NBPF15: variants seen among roughly 807,000 people sequenced by gnomAD.
NBPF15 encodes NBPF member 15.
Under a neutral mutation model 62.2 loss-of-function variants are expected in NBPF15, and 74 were observed. The observed-to-expected ratio is 1.19, with a 90% CI of 0.99 to 1.44. The LOEUF (loss-of-function observed/expected upper bound fraction) is 1.44. NBPF15 is among the 40% of genes most tolerant of loss of function. The pLI is 0.00. For missense variants in NBPF15, 790 were observed against 550.0 expected, an observed-to-expected ratio of 1.44 and a Z score of -4.36; for synonymous variants, 244 against 209.7, an observed-to-expected ratio of 1.16 and a Z score of -1.41.
intron 12 of NBPF15, among the ~76,000 whole-genome samples, chr1:144,434,114 T>G (rs1451694234): frequency 1.3e-5 from 2 of 149,388 alleles, no homozygotes; most frequent in Admixed American, 6.6e-5. Context: ...CAAAAATTGG[T>G]CAAACAATTT....
At position 144,437,034 on chromosome 1, in the gene NBPF15, A is replaced by T; in HGVS notation, c.354T>A (p.Asp118Glu). Residue 118 changes from aspartate to glutamate, a missense_variant, in exon 10 of 22, where the codon GAT (aspartate) becomes GAA (glutamate). Transcript: ENST00000581897. ...GATGCTCATTCAATGAGCGGGAGGC[A>T]TCTCTCCCTTCCCGTAACTTCTCCC... ...QLREKLREGR[D>E]ASRSLNEHLQ... The T allele has an allele frequency of 1.2e-6, 2 of 1,611,968 alleles. No homozygotes were observed. Among genetic ancestry groups the T allele is most frequent in the Non-Finnish European group, 1.7e-6 (2 of 1,179,714 alleles).
In NBPF15 at chr1:144,456,685, A is replaced by G; in HGVS notation, c.-580T>C. The G allele has an allele frequency of 3.5e-6, 5 of 1,418,348 alleles. No homozygotes were observed. The highest frequency in any genetic ancestry group is 4.7e-6 in the Non-Finnish European group (5 of 1,074,638). 87.9% of individuals were successfully genotyped at this position (1,418,348 alleles called of 1,614,324 possible). A position where few individuals can be genotyped will look rare whatever the true frequency, so the allele number is the denominator to read the frequency against. On this transcript the variant is annotated 5_prime_UTR_variant, in exon 4 of 22. Transcript: ENST00000581897. ...TGGTGGCAGCCCCAGCGTGGAGGCCAAGAACACACAGCACTGAAGCTCCAG... is the reference window on the plus strand; with the variant it reads ...TGGTGGCAGCCCCAGCGTGGAGGCCGAGAACACACAGCACTGAAGCTCCAG...
At chr1:144,448,316 G>C (rs1423297786) in intron 6 of NBPF15, among the ~76,000 whole-genome samples, 2 of 152,010 alleles carry the variant, frequency 1.3e-5, no homozygotes, top group African/African-American at 4.8e-5. Flanking sequence ...AAGGCGTCCA[G>C]TTGAAAAACC....
At chr1:144,429,101 A>T (rs1403436154) in intron 14 of NBPF15, among the ~76,000 whole-genome samples, 3 of 151,934 alleles carry the variant, frequency 2.0e-5, no homozygotes, top group African/African-American at 7.3e-5. Context: ...ACTTGGTTCT[A>T]CACAGAAGCA....
chr1:144,451,915 G>A (rs1200346367), intron 4 of NBPF15, among the ~76,000 whole-genome samples: 3 of 151,748 alleles, frequency 2.0e-5, no homozygotes, highest in Non-Finnish European at 2.9e-5. Flanking sequence ...ACTTTGAGAG[G>A]CCAAGGCAGG....
intron 13 of NBPF15, among the ~76,000 whole-genome samples, chr1:144,433,138 T>G (rs1675746188): frequency 6.6e-6 from 1 of 151,924 alleles, no homozygotes; most frequent in Non-Finnish European, 1.5e-5. Context: ...GAACCCAGGA[T>G]TAAGAAACTC....
intron 4 of NBPF15, among the ~76,000 whole-genome samples, chr1:144,453,316 T>C (rs1218246966): frequency 2.0e-5 from 3 of 151,836 alleles, no homozygotes; most frequent in African/African-American, 4.8e-5. Context: ...GGTATGCATG[T>C]TATACCCTTT....
At position 144,456,627 on chromosome 1, in the gene NBPF15, G is replaced by A. The variant is rs1278027546; in HGVS notation, c.-522C>T. ...GGGAAGTTTCTACATCAGTACCTCG[G>A]AGAGTCCACTGGAAGCCCTGGACAG... On this transcript the variant is annotated 5_prime_UTR_variant, in exon 4 of 22. Coordinates refer to ENST00000581897, the MANE Select transcript of NBPF15 (RefSeq NM_001385408.1). 1 of 1,496,786 alleles carries A rather than the reference G, an allele frequency of 6.7e-7. No individual in the cohort carries two copies. Among genetic ancestry groups the A allele is most frequent in the African/African-American group, 1.4e-5 (1 of 71,212 alleles). 92.7% of individuals were successfully genotyped at this position (1,496,786 alleles called of 1,614,324 possible). A position where few individuals can be genotyped will look rare whatever the true frequency, so the allele number is the denominator to read the frequency against.
chr1:144,427,868 G>A lies in NBPF15; in HGVS notation c.1163C>T (p.Ala388Val), dbSNP rs1241214964. The A allele has an allele frequency of 5.0e-4, 340 of 673,334 alleles. 2 individuals carry two copies. In the African/African-American group the frequency reaches 5.5e-3, roughly 11 times the overall value. The allele number at this position is 673,334 out of a possible 1,614,324, so 41.7% of individuals were successfully genotyped here. The change falls in exon 16 of 22, where the codon GCC (alanine) becomes GTC (valine). Residue 388 changes from alanine to valine, a missense_variant. Coordinates refer to ENST00000581897, the MANE Select transcript of NBPF15 (RefSeq NM_001385408.1). ...LTDSCQPYRS[A>V]FYVLEQQRVG... ...ACGCTGTTGCTCCAATACGTAAAAG[G>A]CACTTCTGTAGGGCTGGCATGAGTC...
At chr1:144,432,489 C>G (rs1405414124) in intron 13 of NBPF15, among the ~76,000 whole-genome samples, 7 of 151,756 alleles carry the variant, frequency 4.6e-5, no homozygotes, top group Non-Finnish European at 1.0e-4. Flanking sequence ...GGGCTAAATG[C>G]CCCAGTTAAA....
rs1666598474 is a variant in NBPF15 at position 144,422,747 on chromosome 1, G to A, written c.*266C>T. 4.1e-6 allele frequency: 3 copies of A among 729,910 alleles called. No individual in the cohort carries two copies. The highest frequency in any genetic ancestry group is 1.8e-5 in the African/African-American group (1 of 54,950). 45.2% of individuals were successfully genotyped at this position (729,910 alleles called of 1,614,324 possible). A position where few individuals can be genotyped will look rare whatever the true frequency, so the allele number is the denominator to read the frequency against. Reference sequence around the variant, plus strand: ...CTGAGGAATTTTGTAGCTACCCAGAGATACGTGGTTCAAATTAAAATGTCT... The same window carrying A: ...CTGAGGAATTTTGTAGCTACCCAGAAATACGTGGTTCAAATTAAAATGTCT... On this transcript the variant is annotated 3_prime_UTR_variant, in exon 22 of 22. Coordinates refer to ENST00000581897, the MANE Select transcript of NBPF15 (RefSeq NM_001385408.1).
At position 144,427,142 on chromosome 1, in the gene NBPF15, C is replaced by G. The variant is rs1252097505; in HGVS notation, c.1214-44G>C. 8.9e-6 allele frequency: 5 copies of G among 560,134 alleles called. No individual in the cohort carries two copies. In the East Asian group the frequency reaches 1.5e-4, roughly 17 times the overall value. The allele number at this position is 560,134 out of a possible 1,614,324, so 34.7% of individuals were successfully genotyped here. ...TGGACAGACATATTAAGCTGGTTCT[C>G]CTACACACATAACAATCCACTGTCT... is the stretch of plus-strand genomic sequence containing the variant. On this transcript the variant is annotated intron_variant, in intron 16 of 21. Transcript: ENST00000581897.
intron 20 of NBPF15, 56 bp from the exon 21 acceptor site, chr1:144,424,031 A>G: frequency 1.3e-6 from 1 of 761,024 alleles, no homozygotes; most frequent in Non-Finnish European, 2.4e-6. Context: ...TACACATATA[A>G]CAATCCACTG....
chr1:144,445,935 C>T (rs4067712), intron 6 of NBPF15, among the ~76,000 whole-genome samples: 18 of 144,340 alleles, frequency 1.2e-4, no homozygotes, highest in African/African-American at 3.5e-4. Flanking sequence ...CGGCTCACTG[C>T]AACCTCTGCC....
At chr1:144,424,563 A>C (rs1405273508) in intron 20 of NBPF15, 127 bp downstream of exon 20, 4 of 636,394 alleles carry the variant, frequency 6.3e-6, no homozygotes, top group African/African-American at 5.5e-5. Flanking sequence ...TTCAACCTAC[A>C]TGTGCCTATA....
chr1:144,441,772 A>T (rs1683068424), intron 6 of NBPF15, among the ~76,000 whole-genome samples: 1 of 151,540 alleles, frequency 6.6e-6, no homozygotes, highest in Non-Finnish European at 1.5e-5. Flanking sequence ...TCACATCTTA[A>T]GTTAATTTCA....
chr1:144,435,009 C>T (rs1677175699), intron 12 of NBPF15, 102 bp downstream of exon 12: 20 of 1,603,778 alleles, frequency 1.2e-5, no homozygotes, highest in Non-Finnish European at 1.6e-5. Context: ...AAACCCATCA[C>T]AGTTTTTTAT....
At chr1:144,424,131 G>A (rs1553538807) in intron 20 of NBPF15, among the ~76,000 whole-genome samples, 156 bp from the exon 21 acceptor site, 2 of 152,062 alleles carry the variant, frequency 1.3e-5, no homozygotes, top group Non-Finnish European at 2.9e-5. Context: ...GGCTGGTCAT[G>A]ATATAAATTC....
At chr1:144,441,613 A>G (rs1682985463) in intron 6 of NBPF15, among the ~76,000 whole-genome samples, 1 of 149,232 alleles carries the variant, frequency 6.7e-6, no homozygotes, top group Admixed American at 6.7e-5. Context: ...CAACAACATA[A>G]TAAGGAGAAG....
Sources: allele counts gnomAD v4.1 joint callset (sites outside exome capture counted in the v4.1 genomes callset), GRCh38; gene constraint gnomAD v4.1.1; transcripts MANE v1.5; gene names NCBI Gene and HGNC (gene_info 2026-07-23, HGNC 2026-07-21).